ARHGEF10L: variants seen among roughly 807,000 people sequenced by gnomAD.
ARHGEF10L encodes rho guanine nucleotide exchange factor 10-like protein.
ARHGEF10L carries 69 observed loss-of-function variants against 141.2 expected under a neutral mutation model. The ratio of observed to expected loss-of-function variants is 0.49; its 90% CI spans 0.40 to 0.60. ARHGEF10L has a LOEUF of 0.60. Among genes scored for constraint, ARHGEF10L ranks in the 20% least tolerant of loss-of-function variants. The pLI is 0.00. For missense variants in ARHGEF10L, 1,482 were observed against 1,734.3 expected, an observed-to-expected ratio of 0.85 and a Z score of 2.58; for synonymous variants, 711 against 718.5, an observed-to-expected ratio of 0.99 and a Z score of 0.17.
intron 2 of ARHGEF10L, among the ~76,000 whole-genome samples, chr1:17,582,318 A>T (rs888165189): frequency 6.6e-6 from 1 of 151,988 alleles, no homozygotes; most frequent in Admixed American, 6.6e-5. Context: ...AGAAAAAAAA[A>T]TTTATGACTA....
In ARHGEF10L at chr1:17,664,615, C is replaced by T. The variant is rs1383382002; in HGVS notation, c.3009+20C>T. 4 of 1,512,920 alleles carry T rather than the reference C, an allele frequency of 2.6e-6. No individual in the cohort carries two copies. The East Asian group carries it at 9.8e-5, about 37-fold the overall frequency. The allele number at this position is 1,512,920 out of a possible 1,614,324, so 93.7% of individuals were successfully genotyped here. On this transcript the variant is annotated intron_variant, in intron 26 of 28. Coordinates refer to ENST00000361221, the MANE Select transcript of ARHGEF10L (RefSeq NM_018125.4). ...CCTCAGGTACTGCACTATCCTTTGG[C>T]TTGTGGCCCTGGAGGCCTGCCTTCC...
At chr1:17,640,885 C>T (rs1229514060) in intron 21 of ARHGEF10L, among the ~76,000 whole-genome samples, 1 of 152,238 alleles carries the variant, frequency 6.6e-6, no homozygotes, top group Non-Finnish European at 1.5e-5. Context: ...TATTTACATG[C>T]ACTTTTCTGA....
At chr1:17,538,398 A>G (rs2076612668), upstream of ARHGEF10L, among the ~76,000 whole-genome samples, 1 of 152,248 alleles carries the variant, frequency 6.6e-6, no homozygotes, top group Non-Finnish European at 1.5e-5. Flanking sequence ...AAATGCTCAA[A>G]GAATATCTCC....
chr1:17,694,658 C>T, intron 27 of ARHGEF10L: 1 of 336,366 alleles, frequency 3.0e-6, no homozygotes, highest in South Asian at 2.2e-5. Flanking sequence ...CGGGCAGGCC[C>T]TGAGGGGCTG....
rs1408864509 is a variant in ARHGEF10L at position 17,625,962 on chromosome 1, C to T, written c.1324C>T (p.Gln442Ter). 1 of 1,613,758 alleles carries T rather than the reference C, an allele frequency of 6.2e-7. No homozygotes were observed. The highest frequency in any genetic ancestry group is 1.1e-5 in the South Asian group (1 of 91,076). The change falls in exon 14 of 29, where the codon CAG (glutamine) becomes TAG (stop). Residue 442 changes from glutamine to a stop codon, truncating the protein, a stop_gained. Transcript: ENST00000361221. LOFTEE classifies it high-confidence loss of function. This position sits in a 1 kb window ranked among gnomAD's most constrained non-coding sequence, Gnocchi z 4.5. ...GGAACCTTGTCTCCACCAGCGACGG[C>T]AGGTGTGCAGCCCAGACCGTGTCAC... ...PAFLEFLKRRQVCSPDRVTLY... is the reference protein window; with the variant it reads ...PAFLEFLKRR
chr1:17,634,427 C>T, intron 16 of ARHGEF10L, 121 bp from the exon 17 acceptor site: 2 of 1,525,308 alleles, frequency 1.3e-6, no homozygotes, highest in South Asian at 1.1e-5. Flanking sequence ...CCGCAGGAGG[C>T]TGTCTCTCCT....
intron 1 of ARHGEF10L, among the ~76,000 whole-genome samples, chr1:17,555,932 C>T (rs1189368503): frequency 6.6e-6 from 1 of 152,054 alleles, no homozygotes; most frequent in East Asian, 1.9e-4. Flanking sequence ...TGGGCAGCAG[C>T]AGCTGCCCTA....
chr1:17,632,900 G>A (rs2060783786), intron 16 of ARHGEF10L, among the ~76,000 whole-genome samples: 1 of 152,188 alleles, frequency 6.6e-6, no homozygotes, highest in African/African-American at 2.4e-5. Flanking sequence ...ATCATCATCG[G>A]CCCAGAGGAG....
chr1:17,551,874 T>G (rs1200662788), intron 1 of ARHGEF10L, among the ~76,000 whole-genome samples: 1 of 152,086 alleles, frequency 6.6e-6, no homozygotes, highest in African/African-American at 2.4e-5. Context: ...GGATGGTGAG[T>G]AACCCCAGGG....
intron 9 of ARHGEF10L, chr1:17,618,474 G>T: frequency 6.9e-7 from 1 of 1,456,412 alleles, no homozygotes; most frequent in East Asian, 2.8e-5. Flanking sequence ...CCACCCCCAC[G>T]CCGTCATCCG....
chr1:17,621,836 C>T lies in ARHGEF10L; in HGVS notation c.943-28C>T, dbSNP rs761527814. The T allele has an allele frequency of 3.1e-5, 50 of 1,610,440 alleles. No homozygotes were observed. Among genetic ancestry groups the T allele is most frequent in the South Asian group, 1.8e-4 (16 of 91,026 alleles). The stretch of plus-strand genomic sequence containing the variant: ...GGCCCTGTGCAGCAGGTGTCATGTG[C>T]GCTGACCGTGCTTTTTGGCCCGAGC... On this transcript the variant is annotated intron_variant, in intron 10 of 28. Coordinates refer to ENST00000361221, the MANE Select transcript of ARHGEF10L (RefSeq NM_018125.4). This position sits in a 1 kb window ranked among gnomAD's most constrained non-coding sequence, Gnocchi z 4.1.
At position 17,627,216 on chromosome 1, in the gene ARHGEF10L, C is replaced by T. The variant is rs145569019; in HGVS notation, c.1411-114C>T. 30 of 1,303,092 alleles carry T rather than the reference C, an allele frequency of 2.3e-5. No homozygotes were observed. The highest frequency in any genetic ancestry group is 2.2e-4 in the African/African-American group (15 of 68,150). The allele number at this position is 1,303,092 out of a possible 1,614,324, so 80.7% of individuals were successfully genotyped here. On this transcript the variant is annotated intron_variant, in intron 14 of 28. Transcript: ENST00000361221. This position sits in a 1 kb window ranked among gnomAD's most constrained non-coding sequence, Gnocchi z 4.0. ...GGTGCCATCTGTCCTGGCCTCAGGC[C>T]GGGCCCTTTGCAGACCCAGTGTGTG...
intron 1 of ARHGEF10L, among the ~76,000 whole-genome samples, chr1:17,577,566 G>A (rs961223170): frequency 1.3e-5 from 2 of 152,228 alleles, no homozygotes; most frequent in African/African-American, 2.4e-5. Context: ...AACAGCCTGT[G>A]TGTGCAAAAT....
chr1:17,644,773 C>G lies in ARHGEF10L; in HGVS notation c.2273-3781C>G, dbSNP rs919432562. ...TGGGCCCGCGGTGGGCTCAGCTGCC[C>G]TCAGTAATAGCGACAGTCAGACCAT... On this transcript the variant is annotated intron_variant, in intron 21 of 28. Coordinates refer to ENST00000361221, the MANE Select transcript of ARHGEF10L (RefSeq NM_018125.4). The surrounding 1 kb of genome is among the most constrained non-coding windows in gnomAD (Gnocchi z 4.5). 2.0e-5 allele frequency among the ~76,000 whole-genome samples: 3 copies of G among 152,154 alleles called. No individual in the cohort carries two copies. Among genetic ancestry groups the G allele is most frequent in the African/African-American group, 7.2e-5 (3 of 41,428 alleles).
chr1:17,523,506 G>A, the ARHGEF10L span, among the ~76,000 whole-genome samples: 50,105 of 152,052 alleles, frequency 0.33, 9,067 homozygotes, highest in Non-Finnish European at 0.4. Context: ...AGATGAGGAA[G>A]CTGAAGTCCA....
At chr1:17,525,975 C>T in the ARHGEF10L span, among the ~76,000 whole-genome samples, 1 of 146,556 alleles carries the variant, frequency 6.8e-6, no homozygotes, top group African/African-American at 2.5e-5. Context: ...GCACCCTAGC[C>T]TGGGTGATAG....
At chr1:17,527,540 A>G in the ARHGEF10L span, among the ~76,000 whole-genome samples, 3 of 152,114 alleles carry the variant, frequency 2.0e-5, no homozygotes, top group Non-Finnish European at 2.9e-5. Flanking sequence ...CCTCACCCGG[A>G]GCCGATCCAG....
At chr1:17,640,348 A>G (rs2061259778) in intron 21 of ARHGEF10L, 46 bp downstream of exon 21, 8 of 1,538,760 alleles carry the variant, frequency 5.2e-6, no homozygotes, top group East Asian at 4.6e-5. Flanking sequence ...AGGGGTGTGG[A>G]ACGGGGAGGT....
At chr1:17,658,623 C>G (rs1359283905) in intron 25 of ARHGEF10L, among the ~76,000 whole-genome samples, 1 of 152,146 alleles carries the variant, frequency 6.6e-6, no homozygotes, top group African/African-American at 2.4e-5. Context: ...GTACCAAACG[C>G]TTACTGAGCA....
Sources: allele counts gnomAD v4.1 joint callset (sites outside exome capture counted in the v4.1 genomes callset), GRCh38; gene constraint gnomAD v4.1.1; non-coding constraint Gnocchi (gnomAD v3.1); transcripts MANE v1.5; gene names NCBI Gene and HGNC (gene_info 2026-07-23, HGNC 2026-07-21).